Variants in OIP5 observed in about 807,000 individuals in gnomAD.
The protein encoded by OIP5 is protein Mis18-beta.
Under a neutral mutation model 20.3 loss-of-function variants are expected in OIP5, and 24 were observed. The observed-to-expected ratio is 1.18, with a 90% CI of 0.86 to 1.66. The LOEUF (loss-of-function observed/expected upper bound fraction) is 1.66. OIP5 is among the 40% of genes most tolerant of loss of function. OIP5 has a pLI of 0.00. For missense variants in OIP5, 339 were observed against 289.5 expected, an observed-to-expected ratio of 1.17 and a Z score of -1.24; for synonymous variants, 143 against 121.3, an observed-to-expected ratio of 1.18 and a Z score of -1.17.
Position 41,319,769 on chromosome 15 carries a change from AG to A in OIP5, c.400del (p.Leu134PhefsTer25), listed in dbSNP as rs1567025669. 5 of 1,612,228 alleles carry A rather than the reference AG, an allele frequency of 3.1e-6. No homozygotes were observed. The highest frequency in any genetic ancestry group is 4.2e-6 in the Non-Finnish European group (5 of 1,178,986). On this transcript the variant is annotated frameshift_variant, in exon 3 of 5. Coordinates refer to ENST00000220514, the MANE Select transcript of OIP5 (RefSeq NM_007280.2). LOFTEE classifies it high-confidence loss of function. ...AATCCCACAAGAACCACAGAATAAA[AG>A]GTTGTAAGTACTAGGGGTGGGGAAA... ...EGSLKGSTYN[L>X]LFCGSCGIPV...
At chr15:41,310,468 T>C (rs2047747165) in intron 4 of OIP5, among the ~76,000 whole-genome samples, 1 of 151,820 alleles carries the variant, frequency 6.6e-6, no homozygotes, top group Non-Finnish European at 1.5e-5. Flanking sequence ...CTACTAAAAA[T>C]ACAAAAACAA....
chr15:41,321,333 C>T (rs868748932), intron 2 of OIP5, among the ~76,000 whole-genome samples: 1,571 of 149,998 alleles, frequency 0.01, 38 homozygotes, highest in African/African-American at 0.036. Context: ...CCAGCCGCCC[C>T]GTCCGCGAGG....
chr15:41,327,437 A>G (rs2047868903), intron 2 of OIP5, among the ~76,000 whole-genome samples: 1 of 151,322 alleles, frequency 6.6e-6, no homozygotes, highest in African/African-American at 2.4e-5. Flanking sequence ...TCGGCCTCCC[A>G]AAGTGCTGGG....
chr15:41,317,913 C>A (rs1266625182), intron 3 of OIP5, among the ~76,000 whole-genome samples: 1 of 152,040 alleles, frequency 6.6e-6, no homozygotes. Context: ...CTCCTAAGCT[C>A]AAACAATCCT....
chr15:41,332,038 C>T, intron 1 of OIP5, 57 bp from the exon 2 acceptor site: 1 of 1,542,030 alleles, frequency 6.5e-7, no homozygotes, highest in Admixed American at 1.7e-5. Context: ...AATGGAAAAT[C>T]TCTCCTCTAG....
chr15:41,320,900 A>G (rs1264592034), intron 2 of OIP5, among the ~76,000 whole-genome samples: 1 of 126,246 alleles, frequency 7.9e-6, no homozygotes, highest in Non-Finnish European at 1.6e-5. Context: ...CCGGCCTCCC[A>G]TGGTCTGAGA....
intron 2 of OIP5, among the ~76,000 whole-genome samples, chr15:41,325,797 C>T (rs2047858137): frequency 1.4e-5 from 2 of 146,222 alleles, no homozygotes; most frequent in African/African-American, 5.1e-5. Flanking sequence ...TTGCAGTGAG[C>T]CAAGATCATG....
chr15:41,320,629 G>A (rs1291921112), intron 2 of OIP5, among the ~76,000 whole-genome samples: 2 of 152,094 alleles, frequency 1.3e-5, no homozygotes, highest in African/African-American at 2.4e-5. Flanking sequence ...ATCTTGGCTC[G>A]CTACAACCTC....
At chr15:41,318,065 A>G (rs935721375) in intron 3 of OIP5, among the ~76,000 whole-genome samples, 5 of 152,188 alleles carry the variant, frequency 3.3e-5, no homozygotes, top group African/African-American at 1.2e-4. Flanking sequence ...GGCCCCACCT[A>G]TTAGAGGGAG....
Position 41,314,877 on chromosome 15 carries a change from C to T in OIP5, c.513-1523G>A, listed in dbSNP as rs2047780104. Among the ~76,000 whole-genome samples the T allele has an allele frequency of 2.0e-5, 3 of 151,584 alleles. No individual in the cohort carries two copies. In the South Asian group the frequency reaches 6.2e-4, roughly 32 times the overall value. ...GAATTCCTGACCTCAAGTGATCCGC[C>T]TGCCTCAGCCTCCCAAAGTGCTGGG... On this transcript the variant is annotated intron_variant, in intron 3 of 4. Coordinates refer to ENST00000220514, the MANE Select transcript of OIP5 (RefSeq NM_007280.2).
intron 4 of OIP5, 35 bp from the exon 5 acceptor site, chr15:41,309,884 T>G: frequency 6.9e-7 from 1 of 1,449,570 alleles, no homozygotes; most frequent in African/African-American, 1.4e-5. Flanking sequence ...CAGGGCATCT[T>G]TTTTTATTTT....
chr15:41,315,262 T>C, intron 3 of OIP5, among the ~76,000 whole-genome samples: 1 of 151,818 alleles, frequency 6.6e-6, no homozygotes, highest in East Asian at 1.9e-4. Context: ...AAACCCCATT[T>C]CTAATAAAAA....
intron 3 of OIP5, among the ~76,000 whole-genome samples, chr15:41,315,132 T>G (rs950914978): frequency 2.0e-5 from 3 of 150,020 alleles, no homozygotes; most frequent in African/African-American, 7.3e-5. Context: ...AAAAAAAGAT[T>G]AAGAAAATTT....
intron 3 of OIP5, among the ~76,000 whole-genome samples, chr15:41,314,719 CCT>C (rs2047779377): frequency 6.6e-6 from 1 of 151,616 alleles, no homozygotes; most frequent in East Asian, 2.0e-4. Context: ...GCAACCTCCG[CCT>C]TCCAGGTTCA....
chr15:41,328,533 G>A (rs2047876767), intron 2 of OIP5, among the ~76,000 whole-genome samples: 1 of 152,148 alleles, frequency 6.6e-6, no homozygotes, highest in South Asian at 2.1e-4. Context: ...ATTTCTAAGT[G>A]TCAACATACT....
intron 3 of OIP5, among the ~76,000 whole-genome samples, chr15:41,314,134 C>G (rs757854100): frequency 3.9e-5 from 6 of 151,990 alleles, no homozygotes. Flanking sequence ...TGGAGTCTCG[C>G]TCTGTTGCCC....
At position 41,309,643 on chromosome 15, in the gene OIP5, G is replaced by C; in HGVS notation, c.*111C>G. On this transcript the variant is annotated 3_prime_UTR_variant, in exon 5 of 5. Transcript: ENST00000220514. ...ATCAGCCTAAAGGTAAATAGAAACT[G>C]CATTTCCCCTCCATTCTTGAAGCCA... 1.5e-6 allele frequency: 1 copy of C among 671,338 alleles called. No individual in the cohort carries two copies. Among genetic ancestry groups the C allele is most frequent in the Non-Finnish European group, 2.6e-6 (1 of 390,874 alleles). 41.6% of individuals were successfully genotyped at this position (671,338 alleles called of 1,614,324 possible).
At chr15:41,330,638 T>C (rs1482601612) in intron 2 of OIP5, among the ~76,000 whole-genome samples, 1 of 151,274 alleles carries the variant, frequency 6.6e-6, no homozygotes, top group Non-Finnish European at 1.5e-5. Context: ...TTCCTGACCT[T>C]GTGATCCGCC....
intron 3 of OIP5, among the ~76,000 whole-genome samples, chr15:41,318,740 A>G (rs1401674984): frequency 6.6e-6 from 1 of 150,682 alleles, no homozygotes; most frequent in Non-Finnish European, 1.5e-5. Flanking sequence ...TGTCACCCAA[A>G]GTGGAATGCA....
Sources: gnomAD v4.1 joint callset for allele counts (sites outside exome capture counted in the v4.1 genomes callset) on GRCh38, gnomAD v4.1.1 for gene constraint, MANE v1.5 for transcripts, NCBI Gene and HGNC (gene_info 2026-07-23, HGNC 2026-07-21) for gene names.